The following AHNAK variants were observed in gnomAD, a reference collection of about 807,000 sequenced individuals.
The protein encoded by AHNAK is AHNAK nucleoprotein, also known as neuroblast differentiation-associated protein AHNAK.
In AHNAK, 23 loss-of-function variants were observed where a neutral mutation model predicts 37.8. The ratio of observed to expected loss-of-function variants is 0.61; its 90% CI spans 0.44 to 0.86. The LOEUF (loss-of-function observed/expected upper bound fraction) is 0.86. Among genes scored for constraint, AHNAK ranks in the 40% least tolerant of loss-of-function variants. The probability of loss-of-function intolerance (pLI) is 0.00; values close to 1 mark genes in which losing one functional copy is unlikely to be tolerated. For synonymous variants in AHNAK, 2,481 were observed against 2,636.3 expected (o/e 0.94, Z 1.80); for missense variants, 7,411 against 7,319.4 (o/e 1.01, Z -0.46).
At chr11:62,534,875 G>C (rs568211151) in intron 4 of AHNAK, 128 bp downstream of exon 4, 1 of 978,402 alleles carries the variant, frequency 1.0e-6, no homozygotes, top group Non-Finnish European at 1.5e-6. Flanking sequence ...AGAGAGTGAA[G>C]ACAGGTGAGA....
chr11:62,544,676 G>A (rs1195169691), intron 1 of AHNAK, among the ~76,000 whole-genome samples: 1 of 152,106 alleles, frequency 6.6e-6, no homozygotes, highest in African/African-American at 2.4e-5. Flanking sequence ...CGCGGTGGGG[G>A]GTGGGTGACC....
intron 4 of AHNAK, among the ~76,000 whole-genome samples, chr11:62,498,829 T>G (rs677800): frequency 0.13 from 19,241 of 152,126 alleles, 2,293 homozygotes; most frequent in African/African-American, 0.32. Flanking sequence ...TTGGAAATGT[T>G]GGCTCTAAAA....
exon 6 of AHNAK, chr11:62,433,760 C>T: frequency 2.9e-6 from 4 of 1,398,020 alleles, no homozygotes; most frequent in South Asian, 1.2e-5. Context: ...GAAGGTATTC[C>T]TTTAACTGCA....
In AHNAK at chr11:62,519,613, G is replaced by C. The variant is rs145752851; in HGVS notation, c.14804C>G (p.Pro4935Arg). The change falls in exon 5 of 5, where the codon CCG becomes CGG. Residue 4935 changes from proline to arginine, a missense_variant. By Grantham distance (103) the Pro-to-Arg change is moderately radical. Transcript: ENST00000378024. ...GTCCACTTCACCACCTTCTAACTTC[G>C]GACCTGAAAATCCAATTTTTGGTGC... ...LKAPKIGFSG[P>R]KLEGGEVDLK... The C allele has an allele frequency of 1.2e-6, 2 of 1,613,384 alleles. No individual in the cohort carries two copies. The highest frequency in any genetic ancestry group is 2.2e-5 in the East Asian group (1 of 44,858).
chr11:62,532,251 C>T lies in AHNAK; in HGVS notation c.2166G>A (p.Leu722=), dbSNP rs1565245029. The change falls in exon 5 of 5, where the codon CTG becomes CTA. Residue 722 remains leucine, a synonymous_variant. Transcript: ENST00000378024. ...CTTTTGGGCCTTTGAGTTCTCCTTCCAGCTTTGGTACAGTTACATCATACT... is the reference window on the plus strand; with the variant it reads ...CTTTTGGGCCTTTGAGTTCTCCTTCTAGCTTTGGTACAGTTACATCATACT... ...KGEYDVTVPK[L]EGELKGPKVD... 1 of 1,613,634 alleles carries T rather than the reference C, an allele frequency of 6.2e-7. No individual in the cohort carries two copies. Among genetic ancestry groups the T allele is most frequent in the Non-Finnish European group, 8.5e-7 (1 of 1,179,958 alleles).
chr11:62,435,433 G>A (rs918542983), intron 5 of AHNAK, among the ~76,000 whole-genome samples: 20 of 151,694 alleles, frequency 1.3e-4, no homozygotes, highest in Non-Finnish European at 5.9e-5. Context: ...TTCTTTTTGA[G>A]ACGGAGTCTC....
chr11:62,478,201 G>T (rs1470399930), intron 5 of AHNAK, among the ~76,000 whole-genome samples: 1 of 152,148 alleles, frequency 6.6e-6, no homozygotes, highest in Non-Finnish European at 1.5e-5. Context: ...ATCTGGTCAG[G>T]TCTGGTCAGC....
intron 2 of AHNAK, 162 bp downstream of exon 2, chr11:62,536,307 G>T: frequency 2.0e-6 from 1 of 491,432 alleles, no homozygotes; most frequent in Non-Finnish European, 3.5e-6. Flanking sequence ...TTCTCCCAAG[G>T]CACAGCAAAG....
intron 5 of AHNAK, among the ~76,000 whole-genome samples, chr11:62,481,182 T>C (rs562061789): frequency 6.6e-5 from 10 of 151,808 alleles, no homozygotes; most frequent in Admixed American, 3.9e-4. Context: ...CACGGCTCAC[T>C]GCAACCTCTG....
intron 5 of AHNAK, among the ~76,000 whole-genome samples, chr11:62,448,722 G>T (rs1938468944): frequency 6.6e-6 from 1 of 152,186 alleles, no homozygotes; most frequent in Non-Finnish European, 1.5e-5. Context: ...GCAGCTCAGT[G>T]TTCAAGGCTG....
chr11:62,447,189 A>G (rs1938437421), intron 5 of AHNAK, among the ~76,000 whole-genome samples: 1 of 152,128 alleles, frequency 6.6e-6, no homozygotes, highest in African/African-American at 2.4e-5. Flanking sequence ...AAATGTGCTA[A>G]TGGCAAGCGC....
chr11:62,469,483 G>A (rs1202990806), intron 5 of AHNAK, among the ~76,000 whole-genome samples: 4 of 151,558 alleles, frequency 2.6e-5, no homozygotes, highest in South Asian at 4.2e-4. Flanking sequence ...TTGTTTGTTC[G>A]AGACAGAGTC....
intron 5 of AHNAK, among the ~76,000 whole-genome samples, chr11:62,445,381 T>C (rs1210250565): frequency 6.6e-6 from 1 of 152,232 alleles, no homozygotes; most frequent in Admixed American, 6.5e-5. Flanking sequence ...TGTGGAATAC[T>C]GAGCTCATAT....
chr11:62,537,686 C>CTT (rs1276472412), intron 1 of AHNAK, among the ~76,000 whole-genome samples: 3 of 142,424 alleles, frequency 2.1e-5, no homozygotes, highest in Non-Finnish European at 4.6e-5. Context: ...TCTGTAACTC[C>CTT]TTTTTTTTTT....
chr11:62,518,388 G>A lies in AHNAK; in HGVS notation c.16029C>T (p.Asp5343=), dbSNP rs142335428. 4.8e-5 allele frequency: 77 copies of A among 1,613,848 alleles called. No homozygotes were observed. The highest frequency in any genetic ancestry group is 5.8e-5 in the Non-Finnish European group (68 of 1,180,000). The part of the protein sequence containing the change: ...GVGGKMQVGG[D]GVKVPGIDAT... ...CATCGATCCCTGGCACTTTCACACCGTCTCCTCCCACCTGCATTTTGCCAC... is the reference window on the plus strand; with the variant it reads ...CATCGATCCCTGGCACTTTCACACCATCTCCTCCCACCTGCATTTTGCCAC... The change falls in exon 5 of 5, where the codon GAC becomes GAT. Residue 5343 remains aspartate, a synonymous_variant. Coordinates refer to ENST00000378024, the MANE Select transcript of AHNAK (RefSeq NM_001620.3).
chr11:62,444,979 T>C (rs1938394159), intron 5 of AHNAK, among the ~76,000 whole-genome samples: 1 of 152,128 alleles, frequency 6.6e-6, no homozygotes, highest in African/African-American at 2.4e-5. Context: ...CAACACTACC[T>C]CCTCCAACAA....
chr11:62,482,890 CAGG>C (rs1939303905), intron 5 of AHNAK, among the ~76,000 whole-genome samples: 1 of 152,144 alleles, frequency 6.6e-6, no homozygotes, highest in Admixed American at 6.6e-5. Flanking sequence ...GCAGAATAAG[CAGG>C]AGAACTGGCC....
intron 5 of AHNAK, among the ~76,000 whole-genome samples, chr11:62,466,491 T>A (rs1324952006): frequency 1.6e-4 from 17 of 106,574 alleles, no homozygotes; most frequent in African/African-American, 5.8e-4. Flanking sequence ...TTTTTTTTTT[T>A]ACCAGACTCT....
intron 5 of AHNAK, among the ~76,000 whole-genome samples, chr11:62,473,602 G>A (rs775633575): frequency 3.3e-5 from 5 of 151,682 alleles, no homozygotes; most frequent in African/African-American, 9.7e-5. Flanking sequence ...GGAGACTGGC[G>A]TGAACCTGGG....
Sources: gnomAD v4.1 joint callset for allele counts (sites outside exome capture counted in the v4.1 genomes callset) on GRCh38, gnomAD v4.1.1 for gene constraint, MANE v1.5 for transcripts, NCBI Gene and HGNC (gene_info 2026-07-23, HGNC 2026-07-21) for gene names.